The following HMBOX1 variants were observed in gnomAD, a reference collection of about 807,000 sequenced individuals.
HMBOX1 encodes the protein homeobox-containing protein 1.
Under a neutral mutation model 54.5 loss-of-function variants are expected in HMBOX1, and 14 were observed. The ratio of observed to expected loss-of-function variants is 0.26; its 90% CI spans 0.17 to 0.40. HMBOX1 has a LOEUF of 0.40. HMBOX1 is among the 10% of genes least tolerant of loss of function. The probability of loss-of-function intolerance (pLI) is 1.00; values close to 1 mark genes in which losing one functional copy is unlikely to be tolerated. For synonymous variants in HMBOX1, 160 were observed against 181.0 expected, an observed-to-expected ratio of 0.88 and a Z score of 0.93; for missense variants, 332 against 514.4, an observed-to-expected ratio of 0.65 and a Z score of 3.43.
intron 3 of HMBOX1, among the ~76,000 whole-genome samples, chr8:28,978,023 G>A (rs1177763153): frequency 6.6e-6 from 1 of 151,940 alleles, no homozygotes; most frequent in Non-Finnish European, 1.5e-5. Context: ...CCAGAATCTA[G>A]ATCAGTATGA....
intron 1 of HMBOX1, among the ~76,000 whole-genome samples, chr8:28,925,736 T>C (rs1818331208): frequency 1.3e-5 from 2 of 152,272 alleles, no homozygotes; most frequent in Middle Eastern, 3.4e-3. Flanking sequence ...TGAGAGACTT[T>C]TATTTCAAGA....
At chr8:28,957,470 C>T (rs183329702) in intron 1 of HMBOX1, among the ~76,000 whole-genome samples, 1 of 152,132 alleles carries the variant, frequency 6.6e-6, no homozygotes, top group African/African-American at 2.4e-5. Flanking sequence ...ATGCCCACTA[C>T]CTGAGTGATG....
At position 28,996,327 on chromosome 8, in the gene HMBOX1, C is replaced by T. The variant is rs577414918; in HGVS notation, c.587-12745C>T. Among the ~76,000 whole-genome samples, 6 of 152,158 alleles carry T rather than the reference C, an allele frequency of 3.9e-5. No individual in the cohort carries two copies. The South Asian group carries it at 8.3e-4, about 21-fold the overall frequency. On this transcript the variant is annotated intron_variant, in intron 4 of 9. Coordinates refer to ENST00000287701, the MANE Select transcript of HMBOX1 (RefSeq NM_001135726.3). ...ACACGTGAGTAATGCACTGTGTATA[C>T]GTGAACTTATATCTGATAAATCGCT...
chr8:28,891,404 A>G (rs1033416315), intron 1 of HMBOX1: 1 of 152,208 alleles, frequency 6.6e-6, no homozygotes, highest in African/African-American at 2.4e-5. Flanking sequence ...GTTTCTTAAT[A>G]TTTTATTCCG....
chr8:29,021,690 C>T (rs189607620), intron 6 of HMBOX1, among the ~76,000 whole-genome samples: 27 of 150,594 alleles, frequency 1.8e-4, no homozygotes, highest in East Asian at 3.9e-4. Context: ...CCTGTCTCTA[C>T]GAAAAATAGA....
Position 29,047,342 on chromosome 8 carries a change from T to C in HMBOX1, c.935-16T>C. On this transcript the variant is annotated splice_polypyrimidine_tract_variant and intron_variant, in intron 7 of 9. Coordinates refer to ENST00000287701, the MANE Select transcript of HMBOX1 (RefSeq NM_001135726.3). ...CCAGATATAGATTATCTGAATTTTATTGCATGTATTCACAGGCAAAAAGCT... is the reference window on the plus strand; with the variant it reads ...CCAGATATAGATTATCTGAATTTTACTGCATGTATTCACAGGCAAAAAGCT... The C allele has an allele frequency of 7.2e-7, 1 of 1,386,256 alleles. No homozygotes were observed. The highest frequency in any genetic ancestry group is 1.4e-5 in the African/African-American group (1 of 70,538). The allele number at this position is 1,386,256 out of a possible 1,614,324, so 85.9% of individuals were successfully genotyped here. A position where few individuals can be genotyped will look rare whatever the true frequency, so the allele number is the denominator to read the frequency against.
intron 1 of HMBOX1, among the ~76,000 whole-genome samples, chr8:28,901,819 T>C (rs760562753): frequency 2.6e-5 from 4 of 152,322 alleles, no homozygotes; most frequent in Non-Finnish European, 4.4e-5. Flanking sequence ...TTCAAGTAAA[T>C]TACCTTTCCT....
intron 4 of HMBOX1, among the ~76,000 whole-genome samples, chr8:29,007,298 A>G (rs2132813811): frequency 6.6e-6 from 1 of 152,166 alleles, no homozygotes; most frequent in Middle Eastern, 3.4e-3. Context: ...CCAAAAAAAT[A>G]CAAAGAAAAA....
chr8:28,936,167 G>A (rs1333809034), intron 1 of HMBOX1, among the ~76,000 whole-genome samples: 1 of 151,944 alleles, frequency 6.6e-6, no homozygotes, highest in African/African-American at 2.4e-5. Flanking sequence ...CCTAAGGGAA[G>A]CGTAAAATTT....
At chr8:28,974,771 T>C (rs10108443) in intron 3 of HMBOX1, among the ~76,000 whole-genome samples, 3,791 of 152,294 alleles carry the variant, frequency 0.025, 152 homozygotes, top group African/African-American at 0.087. Flanking sequence ...TATTCAAACA[T>C]GAAAGAAATT....
intron 3 of HMBOX1, among the ~76,000 whole-genome samples, chr8:28,974,249 T>C (rs1828011965): frequency 6.6e-6 from 1 of 152,226 alleles, no homozygotes; most frequent in Non-Finnish European, 1.5e-5. Context: ...TAAATTACGA[T>C]ATGAATTTAA....
At chr8:28,998,803 G>A (rs1440024969) in intron 4 of HMBOX1, among the ~76,000 whole-genome samples, 1 of 151,290 alleles carries the variant, frequency 6.6e-6, no homozygotes, top group Non-Finnish European at 1.5e-5. Flanking sequence ...TATATTTTTC[G>A]AGCTATTTTC....
intron 1 of HMBOX1, among the ~76,000 whole-genome samples, chr8:28,904,631 CT>C (rs1285187613): frequency 6.6e-6 from 1 of 151,736 alleles, no homozygotes; most frequent in Non-Finnish European, 1.5e-5. Context: ...AACATTGAAC[CT>C]TTTTTTGTGT....
chr8:28,992,653 G>A (rs1253878447), intron 4 of HMBOX1, among the ~76,000 whole-genome samples: 1 of 151,892 alleles, frequency 6.6e-6, no homozygotes. Context: ...GGTGGATCAC[G>A]AGGTCAGGAG....
intron 1 of HMBOX1, among the ~76,000 whole-genome samples, chr8:28,924,360 G>A (rs1210195102): frequency 6.6e-6 from 1 of 151,576 alleles, no homozygotes; most frequent in Non-Finnish European, 1.5e-5. Flanking sequence ...CTGCCCCCTC[G>A]GCCTCCCAAA....
In HMBOX1 at chr8:29,048,937, A is replaced by C; in HGVS notation, c.1031-17A>C. 6.4e-7 allele frequency: 1 copy of C among 1,562,262 alleles called. No individual in the cohort carries two copies. The highest frequency in any genetic ancestry group is 8.8e-7 in the Non-Finnish European group (1 of 1,139,446). On this transcript the variant is annotated splice_polypyrimidine_tract_variant and intron_variant, in intron 8 of 9. Transcript: ENST00000287701. The stretch of plus-strand genomic sequence containing the variant: ...AAGGTAACAGATAATTTAGGGATCT[A>C]TTTGCTTTTTTCGAAGAAGCAGCAA...
chr8:29,029,433 A>G (rs887741898), intron 6 of HMBOX1, among the ~76,000 whole-genome samples: 3 of 152,242 alleles, frequency 2.0e-5, no homozygotes, highest in African/African-American at 4.8e-5. Flanking sequence ...CATGTGAACA[A>G]TAAGTGACTT....
intron 1 of HMBOX1, among the ~76,000 whole-genome samples, chr8:28,942,014 C>T (rs948406115): frequency 4.6e-5 from 7 of 152,208 alleles, no homozygotes; most frequent in Non-Finnish European, 1.0e-4. Context: ...CATCCGCCCT[C>T]AGGCCACCCC....
chr8:28,959,989 C>T (rs1825180069), intron 1 of HMBOX1, among the ~76,000 whole-genome samples: 1 of 151,508 alleles, frequency 6.6e-6, no homozygotes, highest in South Asian at 2.1e-4. Context: ...TTTTTCTTTT[C>T]CTTCTGAATC....
Sources: allele counts gnomAD v4.1 joint callset (sites outside exome capture counted in the v4.1 genomes callset), GRCh38; gene constraint gnomAD v4.1.1; transcripts MANE v1.5; gene names NCBI Gene and HGNC (gene_info 2026-07-23, HGNC 2026-07-21).